ADAMTSL1: variants seen among roughly 807,000 people sequenced by gnomAD.
The protein encoded by ADAMTSL1 is ADAMTS-like protein 1.
ADAMTSL1 carries 126 observed loss-of-function variants against 201.8 expected under a neutral mutation model. That is an observed-to-expected ratio of 0.62 (90% CI 0.54 to 0.72). The LOEUF is 0.72. ADAMTSL1 is among the 30% of genes least tolerant of loss of function. ADAMTSL1 has a pLI of 0.00. For missense variants in ADAMTSL1, 2,679 were observed against 2,277.8 expected (o/e 1.18, Z -3.59); for synonymous variants, 1,121 against 903.4 (o/e 1.24, Z -4.32).
At chr9:18,064,226 G>T (rs1486848719) in intron 1 of ADAMTSL1, among the ~76,000 whole-genome samples, 1 of 152,014 alleles carries the variant, frequency 6.6e-6, no homozygotes, top group East Asian at 1.9e-4. Context: ...AAGGGTGTGG[G>T]TTGGGGGTGG....
At chr9:18,572,709 G>C (rs140863892) in intron 3 of ADAMTSL1, among the ~76,000 whole-genome samples, 6 of 152,236 alleles carry the variant, frequency 3.9e-5, no homozygotes, top group Admixed American at 2.6e-4. Context: ...TAATGTTTTG[G>C]AAAAGAGTCA....
At position 18,889,578 on chromosome 9, in the gene ADAMTSL1, G is replaced by A; in HGVS notation, c.4473G>A (p.Trp1491Ter). 1.2e-6 allele frequency: 2 copies of A among 1,613,694 alleles called. No homozygotes were observed. Among genetic ancestry groups the A allele is most frequent in the Non-Finnish European group, 1.7e-6 (2 of 1,179,766 alleles). Reference sequence around the variant, plus strand: ...CTCCTCCCATGACAGATTACTGGTGGTCTGTGGACAGACTGGCAACCTGCT... The same window carrying A: ...CTCCTCCCATGACAGATTACTGGTGATCTGTGGACAGACTGGCAACCTGCT... ...KASLVIQDYWWSVDRLATCSA... is the reference protein window; with the variant it reads ...KASLVIQDYW Residue 1491 changes from tryptophan (W) to a stop codon, truncating the protein, a stop_gained, in exon 25 of 29, where the codon TGG (tryptophan) becomes TGA (stop). Transcript: ENST00000380548. LOFTEE classifies it high-confidence loss of function.
intron 1 of ADAMTSL1, among the ~76,000 whole-genome samples, chr9:17,932,906 G>A (rs1826856079): frequency 6.6e-6 from 1 of 151,990 alleles, no homozygotes; most frequent in African/African-American, 2.4e-5. Flanking sequence ...TCATATTTTA[G>A]GACTCATTTC....
rs1225800631 is a variant in ADAMTSL1 at position 18,777,896 on chromosome 9, T to G, written c.3667T>G (p.Phe1223Val). ...GGCCAGGAATGGAGAAGAAGTTCAG[T>G]TCAGTGACAGGTGAGCCTTGTAGCT... ...SWARNGEEVQ[F>V]SDRILLQPDD... The change falls in exon 19 of 29, where the codon TTC (phenylalanine) becomes GTC (valine). Residue 1223 changes from phenylalanine (F) to valine (V), a missense_variant. Coordinates refer to ENST00000380548, the MANE Select transcript of ADAMTSL1 (RefSeq NM_001040272.6). 1 of 1,546,574 alleles carries G rather than the reference T, an allele frequency of 6.5e-7. No homozygotes were observed. The highest frequency in any genetic ancestry group is 2.3e-5 in the East Asian group (1 of 44,078).
upstream of ADAMTSL1, among the ~76,000 whole-genome samples, chr9:18,472,535 TTC>T (rs1484165136): frequency 2.4e-4 from 37 of 152,282 alleles, no homozygotes; most frequent in Admixed American, 2.0e-3. Context: ...TTTTTAAAGT[TTC>T]TCTCTCTTTA....
intron 2 of ADAMTSL1, among the ~76,000 whole-genome samples, chr9:18,210,353 A>C (rs1357260551): frequency 1.4e-5 from 2 of 148,018 alleles, no homozygotes; most frequent in Non-Finnish European, 3.0e-5. Flanking sequence ...TATTACAACT[A>C]GCTTTAAATA....
intron 14 of ADAMTSL1, among the ~76,000 whole-genome samples, chr9:18,716,602 G>C (rs961234628): frequency 1.4e-5 from 2 of 137,974 alleles, no homozygotes; most frequent in Non-Finnish European, 3.1e-5. Flanking sequence ...GTGCTGGAGA[G>C]GATGTGGAGA....
At chr9:18,894,121 A>G (rs1412092675) in intron 26 of ADAMTSL1, among the ~76,000 whole-genome samples, 1 of 152,222 alleles carries the variant, frequency 6.6e-6, no homozygotes, top group East Asian at 1.9e-4. Context: ...ATGCTGTACA[A>G]AGAATTTGGA....
intron 1 of ADAMTSL1, among the ~76,000 whole-genome samples, chr9:17,915,805 G>A (rs1028395476): frequency 2.0e-5 from 3 of 152,138 alleles, no homozygotes; most frequent in African/African-American, 7.2e-5. Flanking sequence ...ATGATATTGA[G>A]CATGTTTTCA....
At chr9:18,178,747 G>T (rs1016957319) in intron 2 of ADAMTSL1, among the ~76,000 whole-genome samples, 2 of 152,098 alleles carry the variant, frequency 1.3e-5, no homozygotes, top group Non-Finnish European at 2.9e-5. Context: ...TAACTGGGAG[G>T]CACCCCCAAG....
At chr9:17,959,681 C>G (rs1375660977) in intron 1 of ADAMTSL1, among the ~76,000 whole-genome samples, 1 of 152,122 alleles carries the variant, frequency 6.6e-6, no homozygotes, top group African/African-American at 2.4e-5. Context: ...GCCTTGAACT[C>G]CTGACCTCAA....
intron 2 of ADAMTSL1, among the ~76,000 whole-genome samples, chr9:18,177,149 C>T (rs1031856945): frequency 1.3e-5 from 2 of 152,126 alleles, no homozygotes; most frequent in Non-Finnish European, 2.9e-5. Flanking sequence ...GACCAGTTAC[C>T]AGTGCTGGCT....
At chr9:18,388,892 G>A (rs1837925391) in intron 2 of ADAMTSL1, among the ~76,000 whole-genome samples, 2 of 151,924 alleles carry the variant, frequency 1.3e-5, no homozygotes, top group South Asian at 4.2e-4. Flanking sequence ...GAGTAGCTGG[G>A]ATTACAGGTG....
intron 2 of ADAMTSL1, among the ~76,000 whole-genome samples, chr9:18,165,248 T>C (rs372981420): frequency 3.3e-5 from 5 of 151,924 alleles, no homozygotes; most frequent in African/African-American, 1.2e-4. Context: ...TTAGCTCATA[T>C]CGAGTTTGGT....
intron 2 of ADAMTSL1, among the ~76,000 whole-genome samples, chr9:18,525,715 C>T (rs1818995765): frequency 6.6e-6 from 1 of 152,154 alleles, no homozygotes; most frequent in Non-Finnish European, 1.5e-5. Flanking sequence ...AGTAGTCATT[C>T]AGGAGCAGGT....
At chr9:18,357,163 A>G (rs928577240) in intron 2 of ADAMTSL1, among the ~76,000 whole-genome samples, 3 of 152,244 alleles carry the variant, frequency 2.0e-5, no homozygotes, top group Non-Finnish European at 4.4e-5. Context: ...TTTTTAATAG[A>G]AAGGACTCTA....
chr9:18,189,819 C>A (rs1201713210), intron 2 of ADAMTSL1, among the ~76,000 whole-genome samples: 1 of 152,100 alleles, frequency 6.6e-6, no homozygotes, highest in African/African-American at 2.4e-5. Flanking sequence ...CTGGCCAGTT[C>A]TGTGGACTTT....
At chr9:18,266,240 C>T (rs1389388774) in intron 2 of ADAMTSL1, among the ~76,000 whole-genome samples, 1 of 152,172 alleles carries the variant, frequency 6.6e-6, no homozygotes, top group Non-Finnish European at 1.5e-5. Context: ...GTAACTTTTT[C>T]ACCTAGGTGA....
At chr9:17,948,296 C>T (rs533523297) in intron 1 of ADAMTSL1, among the ~76,000 whole-genome samples, 1 of 152,288 alleles carries the variant, frequency 6.6e-6, no homozygotes, top group South Asian at 2.1e-4. Context: ...GACTGCGAGA[C>T]CTTTATTTCC....
Sources: gnomAD v4.1 joint callset for allele counts (sites outside exome capture counted in the v4.1 genomes callset) on GRCh38, gnomAD v4.1.1 for gene constraint, MANE v1.5 for transcripts, NCBI Gene and HGNC (gene_info 2026-07-23, HGNC 2026-07-21) for gene names.